BANK1: variants seen among roughly 807,000 people sequenced by gnomAD.
BANK1 encodes B cell scaffold protein with ankyrin repeats 1.
A neutral mutation model predicts 94.5 loss-of-function variants in BANK1; 95 were observed. The ratio of observed to expected loss-of-function variants is 1.00; its 90% CI spans 0.85 to 1.19. The LOEUF (loss-of-function observed/expected upper bound fraction) is 1.19. Among genes scored for constraint, BANK1 ranks in the 50% most tolerant of loss-of-function variants. The probability of loss-of-function intolerance (pLI) is 0.00; values close to 1 mark genes in which losing one functional copy is unlikely to be tolerated. For missense variants in BANK1, 987 were observed against 932.2 expected (o/e 1.06, Z -0.77); for synonymous variants, 334 against 308.4 (o/e 1.08, Z -0.87).
At chr4:101,843,646 G>A (rs1448446569) in intron 2 of BANK1, among the ~76,000 whole-genome samples, 1 of 152,144 alleles carries the variant, frequency 6.6e-6, no homozygotes, top group Non-Finnish European at 1.5e-5. Context: ...GCCAGGTTTG[G>A]TGGCTCATGC....
rs1045721267 is a variant in BANK1, at chr4:102,025,310, C to G, written c.1395C>G (p.Gly465=). ...GGGAAGGAAAACAGAATGGATCAGG[C>G]ATGGAGACCAAACACAGCCCACTAG... is the stretch of plus-strand genomic sequence containing the variant. ...MEGEGKQNGS[G]METKHSPLEV... Residue 465 remains glycine, a synonymous_variant, in exon 9 of 17, where the codon GGC becomes GGG. Transcript: ENST00000322953. 6 of 1,613,936 alleles carry G rather than the reference C, an allele frequency of 3.7e-6. No homozygotes were observed. In the African/African-American group the frequency reaches 6.7e-5, roughly 18 times the overall value.
intron 10 of BANK1, 103 bp downstream of exon 10, chr4:102,030,368 A>G (rs1227121436): frequency 8.4e-7 from 1 of 1,188,992 alleles, no homozygotes. Context: ...TAAAACTCCA[A>G]AGAGTAAACA....
chr4:101,871,673 T>C (rs1728293020), intron 5 of BANK1, among the ~76,000 whole-genome samples: 1 of 152,158 alleles, frequency 6.6e-6, no homozygotes, highest in Admixed American at 6.5e-5. Context: ...CCAAAGCAAG[T>C]AGAAAAGTAA....
chr4:102,010,938 T>C (rs574310355), intron 7 of BANK1, among the ~76,000 whole-genome samples: 35 of 152,286 alleles, frequency 2.3e-4, no homozygotes, highest in African/African-American at 7.2e-4. Context: ...GATAAGAAAC[T>C]AGATAACCCA....
chr4:102,003,290 TGA>T (rs1310586870), intron 7 of BANK1, among the ~76,000 whole-genome samples: 8 of 152,340 alleles, frequency 5.3e-5, no homozygotes, highest in Middle Eastern at 3.4e-3. Flanking sequence ...TGACAGTGAT[TGA>T]GTTTTACTCA....
intron 13 of BANK1, among the ~76,000 whole-genome samples, chr4:102,064,175 A>G (rs890235604): frequency 5.9e-5 from 9 of 152,220 alleles, no homozygotes; most frequent in Non-Finnish European, 1.2e-4. Flanking sequence ...TTAATATTGC[A>G]TAGCTTTTAG....
chr4:101,870,413 T>A, intron 4 of BANK1, 92 bp from the exon 5 acceptor site: 1 of 1,213,568 alleles, frequency 8.2e-7, no homozygotes, highest in Non-Finnish European at 1.1e-6. Context: ...TGTTATGAAT[T>A]TTTAAAGGCT....
chr4:102,073,539 T>C (rs1728823550), intron 15 of BANK1, 145 bp from the exon 16 acceptor site: 1 of 645,396 alleles, frequency 1.5e-6, no homozygotes, highest in South Asian at 2.0e-5. Flanking sequence ...CCTTTTAAAA[T>C]GGAAGATTGT....
Position 101,814,166 on chromosome 4 carries a change from T to C in BANK1, c.71-15642T>C, listed in dbSNP as rs544439358. On this transcript the variant is annotated intron_variant, in intron 1 of 16. Coordinates refer to ENST00000322953, the MANE Select transcript of BANK1 (RefSeq NM_017935.5). ...CTTGCCAATGTAATTAATTGCAAGA[T>C]CTCATTGCAGTTAGTTAGGAGTGTA... 1.1e-4 allele frequency among the ~76,000 whole-genome samples: 16 copies of C among 152,288 alleles called. No individual in the cohort carries two copies. In the South Asian group the frequency reaches 3.3e-3, roughly 32 times the overall value.
At chr4:102,035,990 G>A (rs901464174) in intron 10 of BANK1, among the ~76,000 whole-genome samples, 2 of 152,186 alleles carry the variant, frequency 1.3e-5, no homozygotes, top group African/African-American at 4.8e-5. Context: ...TACATTGGTA[G>A]TGAAACTACG....
chr4:101,952,271 G>GT (rs1463930924), intron 7 of BANK1, among the ~76,000 whole-genome samples: 1 of 151,988 alleles, frequency 6.6e-6, no homozygotes, highest in Non-Finnish European at 1.5e-5. Context: ...TTGGTTATAT[G>GT]TTTTTTCGCT....
At chr4:101,922,008 C>CTGTGTGTGTG (rs1560634196) in intron 7 of BANK1, among the ~76,000 whole-genome samples, 2 of 77,256 alleles carry the variant, frequency 2.6e-5, no homozygotes, top group African/African-American at 4.8e-5. Context: ...GACACTGGGC[C>CTGTGTGTGTG]CGTGTGTGTG....
chr4:101,868,628 C>G (rs1172796383), intron 4 of BANK1, among the ~76,000 whole-genome samples: 1 of 151,906 alleles, frequency 6.6e-6, no homozygotes, highest in Non-Finnish European at 1.5e-5. Context: ...TAAACAGCAA[C>G]ATTTAATTTT....
At chr4:101,815,604 T>A (rs1054671745) in intron 1 of BANK1, among the ~76,000 whole-genome samples, 1 of 152,140 alleles carries the variant, frequency 6.6e-6, no homozygotes, top group African/African-American at 2.4e-5. Context: ...TTGATAGATA[T>A]AATAGATTTG....
At chr4:101,889,522 C>T (rs1257149443) in intron 5 of BANK1, among the ~76,000 whole-genome samples, 2 of 134,212 alleles carry the variant, frequency 1.5e-5, no homozygotes, top group East Asian at 2.3e-4. Context: ...GGCGTGAACC[C>T]GGGAAGCGGA....
chr4:101,943,250 G>A (rs1470279182), intron 7 of BANK1, among the ~76,000 whole-genome samples: 2 of 151,964 alleles, frequency 1.3e-5, no homozygotes, highest in Admixed American at 6.6e-5. Flanking sequence ...TGCCCTCAAG[G>A]CAATGGAGAA....
chr4:102,058,281 A>G (rs908453426), intron 11 of BANK1, among the ~76,000 whole-genome samples: 2 of 152,140 alleles, frequency 1.3e-5, no homozygotes, highest in Admixed American at 6.5e-5. Context: ...CCAATATTTG[A>G]TCAAATGTAA....
intron 1 of BANK1, among the ~76,000 whole-genome samples, chr4:101,804,771 T>C (rs1578326597): frequency 6.6e-6 from 1 of 152,210 alleles, no homozygotes; most frequent in Admixed American, 6.5e-5. Context: ...ATCAGACATA[T>C]AAGATACAAA....
intron 5 of BANK1, among the ~76,000 whole-genome samples, chr4:101,878,010 C>T (rs964272079): frequency 6.6e-6 from 1 of 151,662 alleles, no homozygotes; most frequent in African/African-American, 2.4e-5. Context: ...ATTACTTTCA[C>T]TAAAAGGAAG....
Sources: allele counts gnomAD v4.1 joint callset (sites outside exome capture counted in the v4.1 genomes callset), GRCh38; gene constraint gnomAD v4.1.1; transcripts MANE v1.5; gene names NCBI Gene and HGNC (gene_info 2026-07-23, HGNC 2026-07-21).